Variants in CNTN5 observed in about 807,000 individuals in gnomAD.
CNTN5 encodes the protein contactin 5.
Under a neutral mutation model 129.1 loss-of-function variants are expected in CNTN5, and 77 were observed. That is an observed-to-expected ratio of 0.60 (90% confidence interval 0.50 to 0.72). CNTN5 has a LOEUF of 0.72. CNTN5 is among the 30% of genes least tolerant of loss of function. The pLI, the probability that CNTN5 is intolerant of heterozygous loss-of-function variation, is 0.00. For missense variants in CNTN5, 1,478 were observed against 1,328.8 expected (o/e 1.11, Z -1.75); for synonymous variants, 509 against 465.6 (o/e 1.09, Z -1.20).
At chr11:99,495,182 C>A (rs1311139898) in intron 2 of CNTN5, among the ~76,000 whole-genome samples, 2 of 152,180 alleles carry the variant, frequency 1.3e-5, no homozygotes, top group African/African-American at 4.8e-5. Flanking sequence ...GCCTGACCAA[C>A]ATGATGAAAC....
At chr11:99,903,520 A>G (rs1486037062) in intron 6 of CNTN5, among the ~76,000 whole-genome samples, 1 of 152,114 alleles carries the variant, frequency 6.6e-6, no homozygotes, top group Non-Finnish European at 1.5e-5. Context: ...CTCACCAGTT[A>G]ATTATGTTTT....
rs376014402 is a variant in CNTN5, at chr11:99,377,142, G to A, written c.-71+51658G>A. Among the ~76,000 whole-genome samples the A allele has an allele frequency of 8.5e-5, 13 of 152,118 alleles. No homozygotes were observed. The South Asian group carries it at 2.7e-3, about 32-fold the overall frequency. ...ACTTCTTAATTGGAAACTTTAAAAT[G>A]TTTTTGGTCTAGGAGGTGTGAGGAA... On this transcript the variant is annotated intron_variant, in intron 2 of 24. Transcript: ENST00000524871.
Position 99,583,264 on chromosome 11 carries a change from G to A in CNTN5, c.55+26995G>A, listed in dbSNP as rs369380455. ...GGGGTGCCTCCCAGTTAGGCTACTT[G>A]GGGGTCAGGGACCCACTTGAGGAGG... On this transcript the variant is annotated intron_variant, in intron 3 of 24. Transcript: ENST00000524871. Among the ~76,000 whole-genome samples, 33 of 152,286 alleles carry A rather than the reference G, an allele frequency of 2.2e-4. No individual in the cohort carries two copies. In the East Asian group the frequency reaches 3.3e-3, roughly 15 times the overall value.
intron 6 of CNTN5, among the ~76,000 whole-genome samples, chr11:99,873,998 G>C (rs1393212718): frequency 6.6e-6 from 1 of 152,050 alleles, no homozygotes; most frequent in East Asian, 1.9e-4. Context: ...ACTTATAAGT[G>C]GGAGCTAAAC....
At chr11:100,087,937 A>G (rs906841393) in intron 13 of CNTN5, among the ~76,000 whole-genome samples, 8 of 152,006 alleles carry the variant, frequency 5.3e-5, no homozygotes, top group Admixed American at 5.2e-4. Context: ...ATAAAAATAG[A>G]AATTAATACC....
At chr11:99,973,612 A>AT (rs1353894563) in intron 8 of CNTN5, among the ~76,000 whole-genome samples, 6 of 151,760 alleles carry the variant, frequency 4.0e-5, no homozygotes, top group African/African-American at 1.2e-4. Flanking sequence ...ATTTCCTTCC[A>AT]TTTTTTTCTC....
At chr11:99,239,799 T>A (rs905639981) in intron 1 of CNTN5, among the ~76,000 whole-genome samples, 5 of 151,856 alleles carry the variant, frequency 3.3e-5, no homozygotes, top group Non-Finnish European at 7.4e-5. Context: ...TAGCCGGGCG[T>A]GGTGGCGGGC....
At chr11:100,288,119 T>G (rs1229155666) in intron 18 of CNTN5, among the ~76,000 whole-genome samples, 1 of 152,056 alleles carries the variant, frequency 6.6e-6, no homozygotes, top group Admixed American at 6.6e-5. Flanking sequence ...AAGTGCTTAG[T>G]GACCTACAAA....
intron 2 of CNTN5, among the ~76,000 whole-genome samples, chr11:99,474,957 A>G (rs1043679104): frequency 1.3e-5 from 2 of 152,174 alleles, no homozygotes; most frequent in Non-Finnish European, 2.9e-5. Flanking sequence ...GTTGAAATGT[A>G]ACTGTCATTG....
intron 7 of CNTN5, 80 bp from the exon 8 acceptor site, chr11:99,956,726 C>T (rs1950811780): frequency 3.9e-6 from 4 of 1,019,354 alleles, no homozygotes; most frequent in African/African-American, 1.6e-5. Flanking sequence ...CTAATGCTTT[C>T]TAAAGGCTTT....
At chr11:100,016,390 C>T (rs934297306) in intron 9 of CNTN5, among the ~76,000 whole-genome samples, 3 of 151,932 alleles carry the variant, frequency 2.0e-5, no homozygotes, top group African/African-American at 7.2e-5. Flanking sequence ...ATATTCTTTA[C>T]TTTTATTTTG....
At position 100,293,028 on chromosome 11, in the gene CNTN5, A is replaced by G. The variant is rs1008717376; in HGVS notation, c.2315-4597A>G. Among the ~76,000 whole-genome samples, 5 of 152,056 alleles carry G rather than the reference A, an allele frequency of 3.3e-5. No individual in the cohort carries two copies. In the South Asian group the frequency reaches 8.3e-4, roughly 25 times the overall value. On this transcript the variant is annotated intron_variant, in intron 18 of 24. Transcript: ENST00000524871. ...GTTCAAAAATTATGGAAGAGACACA[A>G]TGGAATATTATTATAAGATGGGCTG...
At chr11:100,107,928 T>G (rs1945508597) in intron 13 of CNTN5, among the ~76,000 whole-genome samples, 1 of 152,034 alleles carries the variant, frequency 6.6e-6, no homozygotes, top group Non-Finnish European at 1.5e-5. Flanking sequence ...CAAAGTTTAT[T>G]TTAGATGAAA....
At chr11:99,951,867 T>A (rs1362962722) in intron 7 of CNTN5, among the ~76,000 whole-genome samples, 1 of 152,132 alleles carries the variant, frequency 6.6e-6, no homozygotes, top group Non-Finnish European at 1.5e-5. Context: ...TGAAAATAAA[T>A]CCACTCTTGT....
chr11:99,483,072 A>C (rs1351865155), intron 2 of CNTN5, among the ~76,000 whole-genome samples: 1 of 140,080 alleles, frequency 7.1e-6, no homozygotes, highest in Non-Finnish European at 1.5e-5. Context: ...GCTACTGGGG[A>C]GGCTGAGGCA....
intron 9 of CNTN5, among the ~76,000 whole-genome samples, chr11:100,016,139 C>G (rs2137542682): frequency 6.6e-6 from 1 of 152,112 alleles, no homozygotes; most frequent in East Asian, 1.9e-4. Context: ...AATAAGTAAT[C>G]AGAGACAAAA....
chr11:100,235,522 C>T (rs772336903), intron 16 of CNTN5, among the ~76,000 whole-genome samples: 5 of 152,058 alleles, frequency 3.3e-5, no homozygotes, highest in African/African-American at 1.2e-4. Context: ...TAGGCTCTTC[C>T]GTGTAGAGCA....
chr11:99,628,942 T>G (rs923319602), intron 3 of CNTN5, among the ~76,000 whole-genome samples: 4 of 152,034 alleles, frequency 2.6e-5, no homozygotes, highest in Non-Finnish European at 5.9e-5. Flanking sequence ...CACTTGCTTG[T>G]GAGAGCATTA....
At chr11:99,272,050 T>A (rs1863197151) in intron 1 of CNTN5, among the ~76,000 whole-genome samples, 1 of 151,958 alleles carries the variant, frequency 6.6e-6, no homozygotes, top group Non-Finnish European at 1.5e-5. Flanking sequence ...CTACAAGGTT[T>A]ATACATAAAA....
Sources: gnomAD v4.1 joint callset for allele counts (sites outside exome capture counted in the v4.1 genomes callset) on GRCh38, gnomAD v4.1.1 for gene constraint, MANE v1.5 for transcripts, NCBI Gene and HGNC (gene_info 2026-07-23, HGNC 2026-07-21) for gene names.